The following TMEM117 variants were observed in gnomAD, a reference collection of about 807,000 sequenced individuals.
The protein encoded by TMEM117 is transmembrane protein 117.
In TMEM117, 27 loss-of-function variants were observed where a neutral mutation model predicts 52.4. The ratio of observed to expected loss-of-function variants is 0.51; its 90% CI spans 0.38 to 0.71. TMEM117 has a LOEUF of 0.71. Among genes scored for constraint, TMEM117 ranks in the 30% least tolerant of loss-of-function variants. TMEM117 has a pLI of 0.00. For synonymous variants in TMEM117, 215 were observed against 206.3 expected, an observed-to-expected ratio of 1.04 and a Z score of -0.36; for missense variants, 556 against 630.5, an observed-to-expected ratio of 0.88 and a Z score of 1.26.
intron 3 of TMEM117, among the ~76,000 whole-genome samples, chr12:44,122,722 T>C (rs1948257589): frequency 6.6e-6 from 1 of 152,200 alleles, no homozygotes; most frequent in South Asian, 2.1e-4. Flanking sequence ...GCTCCATCCA[T>C]GTCCCTGCAA....
intron 3 of TMEM117, among the ~76,000 whole-genome samples, chr12:44,062,152 T>C (rs71455471): frequency 6.6e-4 from 101 of 152,342 alleles, no homozygotes; most frequent in Non-Finnish European, 1.2e-3. Flanking sequence ...ACCATCTGAC[T>C]GAACAATGAA....
At chr12:44,174,990 C>T (rs1188692489) in intron 4 of TMEM117, among the ~76,000 whole-genome samples, 1 of 152,054 alleles carries the variant, frequency 6.6e-6, no homozygotes, top group East Asian at 1.9e-4. Flanking sequence ...AATACCAGGA[C>T]CTTGAAATTG....
the TMEM117 span, among the ~76,000 whole-genome samples, chr12:43,809,751 C>A: frequency 6.6e-6 from 1 of 152,050 alleles, no homozygotes; most frequent in South Asian, 2.1e-4. Flanking sequence ...AGAAAAGTAA[C>A]CCTTTGGGTT....
At chr12:44,182,555 A>G (rs1485838716) in intron 4 of TMEM117, among the ~76,000 whole-genome samples, 1 of 152,220 alleles carries the variant, frequency 6.6e-6, no homozygotes, top group Non-Finnish European at 1.5e-5. Flanking sequence ...ACGTATTTCA[A>G]AATAATAAGA....
At chr12:44,382,280 T>C (rs890209147) in intron 7 of TMEM117, among the ~76,000 whole-genome samples, 2 of 152,166 alleles carry the variant, frequency 1.3e-5, no homozygotes, top group Non-Finnish European at 2.9e-5. Flanking sequence ...AGGAATTGAC[T>C]TCAGAGCCAG....
intron 3 of TMEM117, among the ~76,000 whole-genome samples, chr12:44,018,776 G>A (rs186405159): frequency 6.7e-6 from 1 of 149,116 alleles, no homozygotes; most frequent in African/African-American, 2.5e-5. Context: ...CTGGAGTGCA[G>A]TGGCGCAATC....
chr12:43,871,383 C>T (rs1483384494), intron 2 of TMEM117, among the ~76,000 whole-genome samples: 1 of 152,176 alleles, frequency 6.6e-6, no homozygotes, highest in Non-Finnish European at 1.5e-5. Context: ...GGATTGCAGG[C>T]ATGAGCCACT....
chr12:43,950,028 A>G (rs915734117), intron 3 of TMEM117, among the ~76,000 whole-genome samples: 3 of 152,180 alleles, frequency 2.0e-5, no homozygotes, highest in African/African-American at 7.2e-5. Context: ...CTTTTGCCTC[A>G]ACTTCTATCC....
intron 6 of TMEM117, among the ~76,000 whole-genome samples, chr12:44,366,855 G>GT (rs1344649660): frequency 3.3e-5 from 5 of 152,000 alleles, no homozygotes; most frequent in African/African-American, 2.4e-5. Flanking sequence ...GTTTTGTTTT[G>GT]TTTTTTAGAA....
chr12:44,385,305 A>C (rs556215725), intron 7 of TMEM117, among the ~76,000 whole-genome samples: 29 of 152,342 alleles, frequency 1.9e-4, no homozygotes, highest in African/African-American at 7.0e-4. Flanking sequence ...ACATCAGGAC[A>C]CATGAGAAAT....
At chr12:44,364,701 TTAAGA>T (rs1213946389) in intron 6 of TMEM117, among the ~76,000 whole-genome samples, 9 of 152,090 alleles carry the variant, frequency 5.9e-5, no homozygotes, top group African/African-American at 2.2e-4. Context: ...CAAGGAAGAC[TTAAGA>T]TAAAATAGTT....
At chr12:44,372,685 A>C (rs968647120) in intron 6 of TMEM117, among the ~76,000 whole-genome samples, 8 of 152,188 alleles carry the variant, frequency 5.3e-5, no homozygotes, top group African/African-American at 1.2e-4. Context: ...AGTGATTCTC[A>C]ATTAGAAAAC....
the TMEM117 span, among the ~76,000 whole-genome samples, chr12:43,814,738 C>CTTTTT: frequency 4.6e-5 from 5 of 107,628 alleles, no homozygotes; most frequent in East Asian, 2.8e-4. Context: ...GGGTTTGAAT[C>CTTTTT]TTTTTTTTTT....
chr12:43,932,169 A>T (rs553682092), intron 2 of TMEM117, among the ~76,000 whole-genome samples: 1 of 152,088 alleles, frequency 6.6e-6, no homozygotes, highest in East Asian at 1.9e-4. Context: ...ACAAAAGCCT[A>T]TGGTGTTTAA....
intron 3 of TMEM117, among the ~76,000 whole-genome samples, chr12:43,969,427 G>A (rs927907174): frequency 6.6e-6 from 1 of 150,564 alleles, no homozygotes; most frequent in South Asian, 2.1e-4. Context: ...GAAAGCTAAG[G>A]CAGAGAATTG....
intron 4 of TMEM117, among the ~76,000 whole-genome samples, chr12:44,163,183 T>C (rs775742180): frequency 1.3e-4 from 20 of 152,234 alleles, no homozygotes; most frequent in Non-Finnish European, 2.8e-4. Context: ...TTAACAGGTA[T>C]TTCTAGGCAC....
chr12:43,822,443 T>A, the TMEM117 span, among the ~76,000 whole-genome samples: 5 of 152,060 alleles, frequency 3.3e-5, no homozygotes, highest in African/African-American at 7.2e-5. Flanking sequence ...ATTTTATAGA[T>A]GGCCATAGCC....
chr12:43,838,514 T>A (rs1384307388), intron 1 of TMEM117, among the ~76,000 whole-genome samples: 1 of 150,262 alleles, frequency 6.7e-6, no homozygotes, highest in African/African-American at 2.5e-5. Flanking sequence ...CAGACTCTAC[T>A]CTCTCTGGAA....
At chr12:44,275,461 A>G (rs1950500480) in intron 5 of TMEM117, among the ~76,000 whole-genome samples, 1 of 152,086 alleles carries the variant, frequency 6.6e-6, no homozygotes, top group East Asian at 1.9e-4. Context: ...ATCCAAAAGA[A>G]AGGAAATCAG....
Sources: gnomAD v4.1 joint callset for allele counts (sites outside exome capture counted in the v4.1 genomes callset) on GRCh38, gnomAD v4.1.1 for gene constraint, MANE v1.5 for transcripts, NCBI Gene and HGNC (gene_info 2026-07-23, HGNC 2026-07-21) for gene names.